The following NETO2 variants were observed in gnomAD, a reference collection of about 807,000 sequenced individuals.
NETO2 encodes neuropilin and tolloid-like protein 2.
Under a neutral mutation model 62.5 loss-of-function variants are expected in NETO2, and 28 were observed. The ratio of observed to expected loss-of-function variants is 0.45; its 90% CI spans 0.33 to 0.61. The LOEUF (loss-of-function observed/expected upper bound fraction) is 0.61. NETO2 is among the 20% of genes least tolerant of loss of function. The probability of loss-of-function intolerance (pLI) is 0.02; values close to 1 mark genes in which losing one functional copy is unlikely to be tolerated. For missense variants in NETO2, 548 were observed against 643.2 expected, an observed-to-expected ratio of 0.85 and a Z score of 1.60; for synonymous variants, 214 against 219.1, an observed-to-expected ratio of 0.98 and a Z score of 0.21.
Position 47,081,250 on chromosome 16 carries a change from T to C in NETO2, c.*1971A>G, listed in dbSNP as rs1963055536. ...CATCATAAGATCATAGTTGTTGTTA[T>C]ATTAAGTATTTATTATGCTGTTCAA... On this transcript the variant is annotated 3_prime_UTR_variant, in exon 9 of 9. Coordinates refer to ENST00000562435, the MANE Select transcript of NETO2 (RefSeq NM_018092.5). The C allele has an allele frequency of 6.6e-6, 1 of 152,166 alleles. No homozygotes were observed. Among genetic ancestry groups the C allele is most frequent in the Admixed American group, 6.5e-5 (1 of 15,274 alleles). The allele number at this position is 152,166 out of a possible 1,614,324, so 9.4% of individuals were successfully genotyped here. A position where few individuals can be genotyped will look rare whatever the true frequency, so the allele number is the denominator to read the frequency against.
intron 1 of NETO2, among the ~76,000 whole-genome samples, chr16:47,133,652 A>G (rs1347543728): frequency 1.4e-5 from 2 of 143,366 alleles, no homozygotes; most frequent in African/African-American, 5.0e-5. Flanking sequence ...AAAATAAAAT[A>G]AAATAAAATA....
chr16:47,087,883 C>A (rs984462989), intron 7 of NETO2, among the ~76,000 whole-genome samples: 10 of 152,232 alleles, frequency 6.6e-5, no homozygotes, highest in South Asian at 6.2e-4. Flanking sequence ...CTCTATTTGG[C>A]ACCTATCCTT....
At position 47,082,458 on chromosome 16, in the gene NETO2, C is replaced by T. The variant is rs961135609; in HGVS notation, c.*763G>A. On this transcript the variant is annotated 3_prime_UTR_variant, in exon 9 of 9. Transcript: ENST00000562435. ...GCTTGCTAGAAATTTTTATCTTTTTCAAATTTTTAGTCATAGCTGACAATG... is the reference window on the plus strand; with the variant it reads ...GCTTGCTAGAAATTTTTATCTTTTTTAAATTTTTAGTCATAGCTGACAATG... The T allele has an allele frequency of 1.3e-5, 2 of 152,220 alleles. No homozygotes were observed. Among genetic ancestry groups the T allele is most frequent in the Non-Finnish European group, 2.9e-5 (2 of 68,000 alleles). 9.4% of individuals were successfully genotyped at this position (152,220 alleles called of 1,614,324 possible).
Position 47,083,373 on chromosome 16 carries a change from T to C in NETO2, c.1426A>G (p.Ser476Gly), listed in dbSNP as rs557502757. 9 of 1,614,232 alleles carry C rather than the reference T, an allele frequency of 5.6e-6. No homozygotes were observed. The highest frequency in any genetic ancestry group is 6.8e-6 in the Non-Finnish European group (8 of 1,180,042). ...AQPQPMKTFN[S>G]TFKKSSYTFK... ...GTGTAACTACTTTTCTTGAAGGTGC[T>C]ATTAAATGTTTTCATTGGCTGTGGT... Residue 476 changes from serine to glycine, a missense_variant, in exon 9 of 9, where the codon AGC becomes GGC. Coordinates refer to ENST00000562435, the MANE Select transcript of NETO2 (RefSeq NM_018092.5).
At chr16:47,125,681 C>T (rs1964143766) in intron 4 of NETO2, among the ~76,000 whole-genome samples, 1 of 152,122 alleles carries the variant, frequency 6.6e-6, no homozygotes, top group Non-Finnish European at 1.5e-5. Context: ...TTATACATAA[C>T]ATAAAATTCA....
chr16:47,121,385 G>A (rs775100236), intron 6 of NETO2, among the ~76,000 whole-genome samples: 58 of 152,106 alleles, frequency 3.8e-4, no homozygotes, highest in Non-Finnish European at 6.5e-4. Flanking sequence ...TTTTTGCCAG[G>A]TGACTCAAAG....
rs1446600059 is a variant in NETO2, at chr16:47,080,138, GAC to G, written c.*3081_*3082del. On this transcript the variant is annotated 3_prime_UTR_variant, in exon 9 of 9. Coordinates refer to ENST00000562435, the MANE Select transcript of NETO2 (RefSeq NM_018092.5). ...TTGCCTTTTGTTAAACGTTTAGATT[GAC>G]ACTCTCCCCACACACAAAAGGAATA... is the stretch of plus-strand genomic sequence containing the variant. 1 of 152,198 alleles carries G rather than the reference GAC, an allele frequency of 6.6e-6. No individual in the cohort carries two copies. The highest frequency in any genetic ancestry group is 1.5e-5 in the Non-Finnish European group (1 of 68,042). 9.4% of individuals were successfully genotyped at this position (152,198 alleles called of 1,614,324 possible).
At chr16:47,108,798 C>G (rs1963726402) in intron 7 of NETO2, among the ~76,000 whole-genome samples, 1 of 152,166 alleles carries the variant, frequency 6.6e-6, no homozygotes, top group South Asian at 2.1e-4. Flanking sequence ...TTCAGTTTTA[C>G]TCTGGCTTTG....
rs13330439 is a variant in NETO2 at position 47,097,365 on chromosome 16, G to C, written c.884-11026C>G. Among the ~76,000 whole-genome samples the C allele has an allele frequency of 3.3e-3, 505 of 152,336 alleles. 2 individuals are homozygous for C. Among genetic ancestry groups the C allele is most frequent in the African/African-American group, 0.011 (474 of 41,574 alleles). ...GGGGCATCTGCCATGACTGAGGCTTGAGTAGGTGGTTTTCCCCTCACAGTG... is the reference window on the plus strand; with the variant it reads ...GGGGCATCTGCCATGACTGAGGCTTCAGTAGGTGGTTTTCCCCTCACAGTG... On this transcript the variant is annotated intron_variant, in intron 7 of 8. Coordinates refer to ENST00000562435, the MANE Select transcript of NETO2 (RefSeq NM_018092.5).
At chr16:47,133,065 C>A (rs1202131481) in intron 1 of NETO2, among the ~76,000 whole-genome samples, 1 of 152,130 alleles carries the variant, frequency 6.6e-6, no homozygotes, top group Non-Finnish European at 1.5e-5. Flanking sequence ...TAGGACAAAC[C>A]AGCATCCACA....
intron 1 of NETO2, 129 bp downstream of exon 1, chr16:47,143,450 C>G: frequency 9.0e-7 from 1 of 1,107,336 alleles, no homozygotes; most frequent in Non-Finnish European, 1.1e-6. Context: ...CGAGTAGCCG[C>G]GAGCCCCGCC....
intron 6 of NETO2, among the ~76,000 whole-genome samples, chr16:47,110,816 C>A (rs1017960773): frequency 3.3e-5 from 5 of 151,780 alleles, no homozygotes; most frequent in African/African-American, 1.2e-4. Context: ...CCCCCCCACC[C>A]CACCAAATAC....
intron 8 of NETO2, 36 bp downstream of exon 8, chr16:47,086,190 T>C: frequency 8.3e-7 from 1 of 1,207,922 alleles, no homozygotes; most frequent in Non-Finnish European, 1.2e-6. Context: ...ATAGCCACTC[T>C]TTTCTCAAAA....
At chr16:47,094,978 G>A (rs1295757536) in intron 7 of NETO2, among the ~76,000 whole-genome samples, 2 of 152,278 alleles carry the variant, frequency 1.3e-5, no homozygotes, top group East Asian at 1.9e-4. Flanking sequence ...ACAAAAGCTG[G>A]AATTACATGT....
At chr16:47,110,253 T>A (rs914196642) in intron 6 of NETO2, among the ~76,000 whole-genome samples, 1 of 152,216 alleles carries the variant, frequency 6.6e-6, no homozygotes, top group African/African-American at 2.4e-5. Context: ...CTGTTCTACA[T>A]GGTTGCTTTA....
chr16:47,110,088 GTTTCT>G (rs1380230183), intron 6 of NETO2, among the ~76,000 whole-genome samples: 1 of 151,994 alleles, frequency 6.6e-6, no homozygotes, highest in Non-Finnish European at 1.5e-5. Context: ...TAATTGGTGA[GTTTCT>G]TTTCACTCTT....
chr16:47,083,222 T>C lies in NETO2; in HGVS notation c.1577A>G (p.Ter526=). 1 of 1,604,544 alleles carries C rather than the reference T, an allele frequency of 6.2e-7. No individual in the cohort carries two copies. The highest frequency in any genetic ancestry group is 8.5e-7 in the Non-Finnish European group (1 of 1,174,546). ...ATTCACATCACCATTAGCAGAAGATTAGAAGTCAATGGATATGGATGCTTG... is the reference window on the plus strand; with the variant it reads ...ATTCACATCACCATTAGCAGAAGATCAGAAGTCAATGGATATGGATGCTTG... ...SAQASISIDF[*] Residue 526 remains the stop codon, a stop_retained_variant, in exon 9 of 9, where the codon TAA becomes TGA. Coordinates refer to ENST00000562435, the MANE Select transcript of NETO2 (RefSeq NM_018092.5).
intron 4 of NETO2, among the ~76,000 whole-genome samples, chr16:47,125,830 A>C (rs2151488284): frequency 6.6e-6 from 1 of 152,340 alleles, no homozygotes; most frequent in South Asian, 2.1e-4. Context: ...AGCTGGAATG[A>C]CACGTGTGCA....
chr16:47,090,194 G>A (rs1411590575), intron 7 of NETO2, among the ~76,000 whole-genome samples: 1 of 152,202 alleles, frequency 6.6e-6, no homozygotes, highest in Non-Finnish European at 1.5e-5. Context: ...TGATTGAGCA[G>A]TGAGAGGAAA....
Sources: allele counts gnomAD v4.1 joint callset (sites outside exome capture counted in the v4.1 genomes callset), GRCh38; gene constraint gnomAD v4.1.1; transcripts MANE v1.5; gene names NCBI Gene and HGNC (gene_info 2026-07-23, HGNC 2026-07-21).